The following SPATA9 variants were observed in gnomAD, a reference collection of about 807,000 sequenced individuals.
The protein encoded by SPATA9 is spermatogenesis associated 9, also known as spermatogenesis-associated protein 9.
In SPATA9, 27 loss-of-function variants were observed where a neutral mutation model predicts 25.5. That is an observed-to-expected ratio of 1.06 (90% confidence interval 0.78 to 1.46). The LOEUF is 1.46. SPATA9 is among the 40% of genes most tolerant of loss of function. The pLI, the probability that SPATA9 is intolerant of heterozygous loss-of-function variation, is 0.00. For synonymous variants in SPATA9, 102 were observed against 105.7 expected (o/e 0.97, Z 0.21); for missense variants, 282 against 297.5 (o/e 0.95, Z 0.38).
intron 3 of SPATA9, among the ~76,000 whole-genome samples, chr5:95,667,981 T>C (rs1156250393): frequency 6.6e-6 from 1 of 152,202 alleles, no homozygotes; most frequent in Non-Finnish European, 1.5e-5. Flanking sequence ...GTTTCCCCTT[T>C]GCCTTCCACC....
chr5:95,662,522 C>G (rs1751358478), intron 4 of SPATA9, among the ~76,000 whole-genome samples: 1 of 152,126 alleles, frequency 6.6e-6, no homozygotes, highest in Admixed American at 6.5e-5. Flanking sequence ...CCGTCAGCCT[C>G]CTGAGTAGCA....
intron 3 of SPATA9, among the ~76,000 whole-genome samples, chr5:95,673,375 T>TG (rs1491532878): frequency 8.6e-6 from 1 of 116,756 alleles, no homozygotes; most frequent in African/African-American, 3.6e-5. Flanking sequence ...TGTGTGTGTG[T>TG]TTGTGTGTGT....
chr5:95,717,842 A>G, the SPATA9 span: 2 of 152,188 alleles, frequency 1.3e-5, no homozygotes, highest in African/African-American at 4.8e-5. Context: ...GAAGGGACAT[A>G]TAGGATGGGG....
At chr5:95,700,376 TG>T (rs1754148364), upstream of SPATA9, among the ~76,000 whole-genome samples, 1 of 152,138 alleles carries the variant, frequency 6.6e-6, no homozygotes, top group African/African-American at 2.4e-5. Flanking sequence ...CTCAGCTCAT[TG>T]CAACCTCCAC....
At chr5:95,661,532 A>G (rs1751265622) in intron 4 of SPATA9, among the ~76,000 whole-genome samples, 1 of 152,126 alleles carries the variant, frequency 6.6e-6, no homozygotes, top group African/African-American at 2.4e-5. Context: ...ATTGAAATCT[A>G]ATTTTTGTGT....
At chr5:95,698,578 C>CCTAT (rs1221724989) in intron 1 of SPATA9, 3 of 152,174 alleles carry the variant, frequency 2.0e-5, no homozygotes, top group Non-Finnish European at 2.9e-5. Flanking sequence ...AAGAGCTTTT[C>CCTAT]CTATCTTACC....
At chr5:95,731,906 A>G in the SPATA9 span, 4 of 1,613,928 alleles carry the variant, frequency 2.5e-6, no homozygotes, top group African/African-American at 4.0e-5. Flanking sequence ...ACATTCCACC[A>G]GGACAACCGG....
At chr5:95,652,295 T>A (rs1450216583), downstream of SPATA9, 1 of 1,550,304 alleles carries the variant, frequency 6.5e-7, no homozygotes. Context: ...TCAGGAATTG[T>A]CTTAGACCTT....
At chr5:95,694,416 G>A (rs2112709363) in intron 1 of SPATA9, among the ~76,000 whole-genome samples, 1 of 152,058 alleles carries the variant, frequency 6.6e-6, no homozygotes, top group African/African-American at 2.4e-5. Context: ...TGAAACATAA[G>A]GAAAAAGAAA....
intron 3 of SPATA9, among the ~76,000 whole-genome samples, chr5:95,672,463 T>G (rs960145127): frequency 1.2e-4 from 19 of 152,006 alleles, no homozygotes; most frequent in Non-Finnish European, 2.5e-4. Flanking sequence ...AGGTTTTTTT[T>G]TTTTTTTTTA....
intron 2 of SPATA9, among the ~76,000 whole-genome samples, chr5:95,677,293 A>G (rs1176729584): frequency 6.6e-6 from 1 of 152,220 alleles, no homozygotes; most frequent in Non-Finnish European, 1.5e-5. Context: ...CCAGAGCCAA[A>G]GTAGTGTCTG....
chr5:95,703,557 C>G (rs1259235166), upstream of SPATA9, among the ~76,000 whole-genome samples: 5 of 152,004 alleles, frequency 3.3e-5, no homozygotes, highest in Non-Finnish European at 5.9e-5. Flanking sequence ...TTGCTTTAAC[C>G]TGGGAGGTGG....
chr5:95,714,581 C>G, the SPATA9 span, among the ~76,000 whole-genome samples: 2 of 151,796 alleles, frequency 1.3e-5, no homozygotes, highest in Admixed American at 6.6e-5. Flanking sequence ...GCAGTGTGAC[C>G]GGAGTGGTGG....
At chr5:95,677,956 G>T (rs1753099195) in intron 2 of SPATA9, among the ~76,000 whole-genome samples, 1 of 152,148 alleles carries the variant, frequency 6.6e-6, no homozygotes, top group Non-Finnish European at 1.5e-5. Flanking sequence ...AAATTTGCAA[G>T]TGTAAACCTT....
At chr5:95,715,143 G>A in the SPATA9 span, among the ~76,000 whole-genome samples, 1 of 152,046 alleles carries the variant, frequency 6.6e-6, no homozygotes, top group Non-Finnish European at 1.5e-5. Flanking sequence ...GGCCAACATG[G>A]TGAAACCCCA....
the SPATA9 span, among the ~76,000 whole-genome samples, chr5:95,710,046 C>A: frequency 0.012 from 1,855 of 152,254 alleles, 44 homozygotes; most frequent in African/African-American, 0.042. Context: ...CTTACCCCAT[C>A]GGAGAGCCTG....
downstream of SPATA9, chr5:95,652,248 A>G (rs191327239): frequency 1.2e-5 from 18 of 1,545,662 alleles, no homozygotes; most frequent in Admixed American, 7.9e-5. Flanking sequence ...CCTCTCTACA[A>G]CCTCTCTTCC....
At chr5:95,730,197 TTGCCCTAGTTTTTTTAC>T in the SPATA9 span, among the ~76,000 whole-genome samples, 1 of 152,142 alleles carries the variant, frequency 6.6e-6, no homozygotes, top group Non-Finnish European at 1.5e-5. Flanking sequence ...TAAAAAGCTG[TTGCCCTAGTTTTTTTAC>T]TGCCCTACTC....
downstream of SPATA9, chr5:95,654,049 A>T (rs371559749): frequency 1.2e-5 from 19 of 1,602,316 alleles, no homozygotes; most frequent in South Asian, 1.0e-4. Context: ...TTCCTTCTTT[A>T]TGTTCAACTA....
Sources: allele counts gnomAD v4.1 joint callset (sites outside exome capture counted in the v4.1 genomes callset), GRCh38; gene constraint gnomAD v4.1.1; transcripts MANE v1.5; gene names NCBI Gene and HGNC (gene_info 2026-07-23, HGNC 2026-07-21).